The following USP32 variants were observed in gnomAD, a reference collection of about 807,000 sequenced individuals.
USP32 encodes the protein ubiquitin specific peptidase 32, also known as ubiquitin carboxyl-terminal hydrolase 32.
Under a neutral mutation model 204.8 loss-of-function variants are expected in USP32, and 59 were observed. The ratio of observed to expected loss-of-function variants is 0.29; its 90% CI spans 0.23 to 0.36. USP32 has a LOEUF of 0.36. USP32 is among the 10% of genes least tolerant of loss of function. The probability of loss-of-function intolerance (pLI) is 1.00; values close to 1 mark genes in which losing one functional copy is unlikely to be tolerated. For synonymous variants in USP32, 517 were observed against 678.4 expected (o/e 0.76, Z 3.70); for missense variants, 1,160 against 1,946.4 (o/e 0.60, Z 7.60).
chr17:60,227,037 CA>C (rs58720440), intron 12 of USP32, among the ~76,000 whole-genome samples: 15,610 of 61,508 alleles, frequency 0.25, 1,027 homozygotes, highest in African/African-American at 0.38. Flanking sequence ...GACTCTGTCT[CA>C]AAAAAAAAAA....
chr17:60,391,304 T>G (rs796078192), intron 1 of USP32, among the ~76,000 whole-genome samples: 4 of 152,118 alleles, frequency 2.6e-5, no homozygotes, highest in African/African-American at 9.7e-5. Flanking sequence ...ATCGTTCTTA[T>G]CAAAGTCAGC....
At chr17:60,268,849 T>C (rs1336222192) in intron 7 of USP32, among the ~76,000 whole-genome samples, 4 of 152,158 alleles carry the variant, frequency 2.6e-5, no homozygotes, top group African/African-American at 9.7e-5. Context: ...GAAGATTTAT[T>C]TTAGAAAGAC....
intron 12 of USP32, among the ~76,000 whole-genome samples, chr17:60,235,369 C>T (rs994271899): frequency 1.3e-5 from 2 of 152,056 alleles, no homozygotes; most frequent in Admixed American, 6.5e-5. Context: ...CACCAAAGTC[C>T]GTGTTTCCCA....
At chr17:60,399,144 C>A (rs2089918292) in intron 1 of USP32, among the ~76,000 whole-genome samples, 1 of 152,126 alleles carries the variant, frequency 6.6e-6, no homozygotes, top group African/African-American at 2.4e-5. Flanking sequence ...AGCAGACATT[C>A]ATTTACTCTT....
chr17:60,382,835 T>C (rs1399266426), intron 1 of USP32, among the ~76,000 whole-genome samples: 1 of 152,216 alleles, frequency 6.6e-6, no homozygotes. Context: ...TGTTCATAAG[T>C]ACAATACTTA....
intron 2 of USP32, among the ~76,000 whole-genome samples, chr17:60,308,897 C>T (rs549886703): frequency 2.4e-4 from 37 of 152,306 alleles, no homozygotes; most frequent in Admixed American, 9.2e-4. Flanking sequence ...CCACTGCACT[C>T]TAGCCTGGTG....
intron 1 of USP32, among the ~76,000 whole-genome samples, chr17:60,412,394 CTAGT>C (rs1456940414): frequency 6.6e-6 from 1 of 151,042 alleles, no homozygotes; most frequent in Non-Finnish European, 1.5e-5. Context: ...GTCCCAGCTA[CTAGT>C]GGGGAATGGG....
At chr17:60,288,481 T>C (rs145410669) in intron 5 of USP32, 42 bp downstream of exon 5, 2 of 1,553,554 alleles carry the variant, frequency 1.3e-6, no homozygotes, top group Middle Eastern at 1.7e-4. Flanking sequence ...ATTATATATA[T>C]AAAAAAAGGC....
chr17:60,208,075 T>C lies in USP32; in HGVS notation c.2909A>G (p.His970Arg). ...TAATATTACCTTTATGTTGGAACCA[T>C]GTACTTCTGCTAGAAGGATTTGTTC... ...NSEQILLAEV[H>R]GSNIKNFPQD... Residue 970 changes from histidine (H) to arginine (R), a missense_variant, in exon 24 of 34, where the codon CAT (histidine) becomes CGT (arginine). Physicochemically the swap from His to Arg is conservative, Grantham distance 29. Around this residue, in one of 8 missense-constraint regions of USP32, gnomAD observed 132 missense variants for 432.8 expected, o/e 0.30. Transcript: ENST00000300896. The C allele has an allele frequency of 6.4e-7, 1 of 1,565,824 alleles. No individual in the cohort carries two copies. Among genetic ancestry groups the C allele is most frequent in the Non-Finnish European group, 8.6e-7 (1 of 1,158,190 alleles).
intron 11 of USP32, among the ~76,000 whole-genome samples, chr17:60,246,809 A>G (rs1254398213): frequency 6.6e-6 from 1 of 152,028 alleles, no homozygotes; most frequent in South Asian, 2.1e-4. Flanking sequence ...ATTTTTTCAT[A>G]TATCTGCTGG....
chr17:60,419,814 AAAAATTATT>A (rs1319654494), intron 1 of USP32, among the ~76,000 whole-genome samples: 2 of 107,796 alleles, frequency 1.9e-5, no homozygotes, highest in Non-Finnish European at 3.6e-5. Context: ...CAAGGTTAAA[AAAAATTATT>A]ATTATTATTA....
chr17:60,242,160 T>G (rs755665587), intron 11 of USP32, among the ~76,000 whole-genome samples: 3 of 152,172 alleles, frequency 2.0e-5, no homozygotes, highest in Non-Finnish European at 4.4e-5. Context: ...CAGGCTGGTA[T>G]GAGGTGGCTA....
At chr17:60,221,280 C>T (rs1331348698) in intron 15 of USP32, among the ~76,000 whole-genome samples, 2 of 151,956 alleles carry the variant, frequency 1.3e-5, no homozygotes, top group African/African-American at 4.8e-5. Context: ...GCAGTCTTAG[C>T]TATTGGGGAG....
chr17:60,348,445 A>G (rs1182304204), intron 1 of USP32, among the ~76,000 whole-genome samples: 1 of 152,194 alleles, frequency 6.6e-6, no homozygotes, highest in East Asian at 1.9e-4. Context: ...GGCCAGGAAA[A>G]GGGGACTTAT....
At chr17:60,220,849 G>A (rs1316905024) in intron 15 of USP32, among the ~76,000 whole-genome samples, 4 of 151,682 alleles carry the variant, frequency 2.6e-5, no homozygotes, top group East Asian at 1.9e-4. Flanking sequence ...GGGTTTCACC[G>A]TTGTTAGCCA....
intron 12 of USP32, among the ~76,000 whole-genome samples, chr17:60,230,180 A>G (rs1407630512): frequency 6.6e-6 from 1 of 152,184 alleles, no homozygotes; most frequent in Non-Finnish European, 1.5e-5. Context: ...TTGAGCAAAC[A>G]ATTTTCTTCA....
At chr17:60,224,816 A>G (rs2085342208) in intron 13 of USP32, among the ~76,000 whole-genome samples, 1 of 152,070 alleles carries the variant, frequency 6.6e-6, no homozygotes, top group African/African-American at 2.4e-5. Context: ...ATAGGGTAAG[A>G]TTGAGGGTTC....
intron 16 of USP32, among the ~76,000 whole-genome samples, chr17:60,216,434 T>C (rs549540356): frequency 6.6e-6 from 1 of 152,206 alleles, no homozygotes; most frequent in East Asian, 1.9e-4. Flanking sequence ...ATCAATATAA[T>C]GTACATTCCA....
At chr17:60,339,965 G>GTAGC (rs1240531475) in intron 2 of USP32, among the ~76,000 whole-genome samples, 1 of 152,160 alleles carries the variant, frequency 6.6e-6, no homozygotes, top group Non-Finnish European at 1.5e-5. Flanking sequence ...GTGTAGTCCT[G>GTAGC]TAGCTTTCTT....
Sources: allele counts gnomAD v4.1 joint callset (sites outside exome capture counted in the v4.1 genomes callset), GRCh38; gene constraint gnomAD v4.1.1; regional missense constraint gnomAD v4.1.1; transcripts MANE v1.5; gene names NCBI Gene and HGNC (gene_info 2026-07-23, HGNC 2026-07-21).